Variants in TSPEAR observed in about 807,000 individuals in gnomAD.
The protein encoded by TSPEAR is thrombospondin type laminin G domain and EAR repeats, also known as thrombospondin-type laminin G domain and EAR repeat-containing protein.
Under a neutral mutation model 71.6 loss-of-function variants are expected in TSPEAR, and 69 were observed. The observed-to-expected ratio is 0.96, with a 90% confidence interval of 0.79 to 1.18. The LOEUF (loss-of-function observed/expected upper bound fraction) is 1.18. Among genes scored for constraint, TSPEAR ranks in the 50% most tolerant of loss-of-function variants. TSPEAR has a pLI of 0.00. For missense variants in TSPEAR, 971 were observed against 894.9 expected, an observed-to-expected ratio of 1.09 and a Z score of -1.09; for synonymous variants, 402 against 387.2, an observed-to-expected ratio of 1.04 and a Z score of -0.45.
chr21:44,551,129 A>G (rs2053420994), intron 2 of TSPEAR: 1 of 1,550,698 alleles, frequency 6.4e-7, no homozygotes, highest in Non-Finnish European at 8.8e-7. Context: ...AGACGGGCAC[A>G]CAGCACACAG....
At chr21:44,667,102 C>G (rs1446026850) in intron 1 of TSPEAR, among the ~76,000 whole-genome samples, 1 of 152,192 alleles carries the variant, frequency 6.6e-6, no homozygotes, top group Non-Finnish European at 1.5e-5. Context: ...ACTAATTGCA[C>G]CTTCTTCGAA....
At position 44,694,089 on chromosome 21, in the gene TSPEAR, G is replaced by A. The variant is rs545066785; in HGVS notation, c.82+17344C>T. Among the ~76,000 whole-genome samples the A allele has an allele frequency of 1.8e-4, 28 of 152,260 alleles. No homozygotes were observed. The South Asian group carries it at 4.6e-3, about 25-fold the overall frequency. On this transcript the variant is annotated intron_variant, in intron 1 of 11. Transcript: ENST00000323084. ...TCCGGAAATAAAGCTATTCATTCAT[G>A]GTCAACCGATTTTCAACAAGAATGC... is the stretch of plus-strand genomic sequence containing the variant.
chr21:44,634,288 C>T (rs782047764), intron 1 of TSPEAR, among the ~76,000 whole-genome samples: 2 of 152,182 alleles, frequency 1.3e-5, no homozygotes, highest in African/African-American at 4.8e-5. Flanking sequence ...GATATCTACA[C>T]ACAAAATCAT....
chr21:44,517,275 C>T (rs17004658), intron 9 of TSPEAR: 2,873 of 156,360 alleles, frequency 0.018, 64 homozygotes, highest in East Asian at 0.073. Context: ...TCTTCTCATT[C>T]TGGTTGAGTA....
At chr21:44,587,171 G>A (rs1979395373) in intron 1 of TSPEAR, among the ~76,000 whole-genome samples, 1 of 152,164 alleles carries the variant, frequency 6.6e-6, no homozygotes, top group Non-Finnish European at 1.5e-5. Context: ...TCCTAGAACT[G>A]ATAAAAGAAT....
Position 44,642,891 on chromosome 21 carries a change from A to G in TSPEAR, c.82+68542T>C, listed in dbSNP as rs935490673. 6.6e-6 allele frequency among the ~76,000 whole-genome samples: 1 copy of G among 152,210 alleles called. No individual in the cohort carries two copies. The highest frequency in any genetic ancestry group is 2.4e-5 in the African/African-American group (1 of 41,460). ...AAATTAAAAATGGAACTACCATGTG[A>G]TGAGCAATCCCACTTCTGTGTATTT... is the stretch of plus-strand genomic sequence containing the variant. On this transcript the variant is annotated intron_variant, in intron 1 of 11. Coordinates refer to ENST00000323084, the MANE Select transcript of TSPEAR (RefSeq NM_144991.3). This position sits in a 1 kb window ranked among gnomAD's most constrained non-coding sequence, Gnocchi z 4.1.
intron 1 of TSPEAR, chr21:44,627,701 C>T (rs1555934782): frequency 6.2e-7 from 1 of 1,603,438 alleles, no homozygotes. Context: ...ACTTCCTCCC[C>T]CTGCCAGCAG....
intron 4 of TSPEAR, among the ~76,000 whole-genome samples, chr21:44,530,352 T>A (rs1404817352): frequency 6.6e-6 from 1 of 151,442 alleles, no homozygotes; most frequent in Non-Finnish European, 1.5e-5. Context: ...ATCCATGCAT[T>A]CATCCATCCA....
chr21:44,591,357 G>C, intron 1 of TSPEAR: 1 of 1,573,322 alleles, frequency 6.4e-7, no homozygotes, highest in South Asian at 1.2e-5. Context: ...GCCCCTGGTG[G>C]GAAGGGACTC....
At chr21:44,517,584 ACAGGT>A (rs1390658336) in intron 9 of TSPEAR, 1 of 358,478 alleles carries the variant, frequency 2.8e-6, no homozygotes, top group Non-Finnish European at 5.5e-6. Flanking sequence ...GGCTGTGAGC[ACAGGT>A]CAGGTCAGCC....
intron 1 of TSPEAR, among the ~76,000 whole-genome samples, chr21:44,660,324 A>G (rs1985419997): frequency 6.6e-6 from 1 of 152,250 alleles, no homozygotes; most frequent in Non-Finnish European, 1.5e-5. Context: ...ATGACTAGAC[A>G]TGTCACATTA....
chr21:44,509,264 G>A lies in TSPEAR; in HGVS notation c.1689C>T (p.Ser563=), dbSNP rs782071879. The A allele has an allele frequency of 1.3e-5, 21 of 1,613,928 alleles. No homozygotes were observed. In the East Asian group the frequency reaches 2.2e-4, roughly 17 times the overall value. The change falls in exon 10 of 12, where the codon TCC becomes TCT. Residue 563 remains serine (S), a synonymous_variant. Transcript: ENST00000323084. ...CGGTCACGTTCAGCTCGTAGATGAC[G>A]GAGTTGATGACATAGGAATCATTCT... ...QVQNDSYVIN[S]VIYELNVTAQ...
chr21:44,520,273 G>A lies in TSPEAR; in HGVS notation c.1566+1610C>T, dbSNP rs929446101. The A allele has an allele frequency of 6.6e-6, 1 of 152,104 alleles. No individual in the cohort carries two copies. Among genetic ancestry groups the A allele is most frequent in the Non-Finnish European group, 1.5e-5 (1 of 68,052 alleles). 9.4% of individuals were successfully genotyped at this position (152,104 alleles called of 1,614,324 possible). On this transcript the variant is annotated intron_variant, in intron 9 of 11. Coordinates refer to ENST00000323084, the MANE Select transcript of TSPEAR (RefSeq NM_144991.3). This position sits in a 1 kb window ranked among gnomAD's most constrained non-coding sequence, Gnocchi z 4.2. The stretch of plus-strand genomic sequence containing the variant: ...TCACTTGCAGCCTGTGGCTCTGGGT[G>A]GTGACCCTGCTGCCTACTCCCAGCC...
chr21:44,580,608 CTGG>C (rs1555924995), intron 1 of TSPEAR: 2 of 1,589,028 alleles, frequency 1.3e-6, no homozygotes, highest in African/African-American at 2.7e-5. Context: ...GAGCTGGGAG[CTGG>C]GGGAGGTGTG....
Position 44,612,671 on chromosome 21 carries a change from T to G in TSPEAR, c.83-44666A>C, listed in dbSNP as rs1365797422. On this transcript the variant is annotated intron_variant, in intron 1 of 11. Coordinates refer to ENST00000323084, the MANE Select transcript of TSPEAR (RefSeq NM_144991.3). The surrounding 1 kb of genome is among the most constrained non-coding windows in gnomAD (Gnocchi z 4.1). ...GGCTTCCTCTCTGTGCTGCCAGAAG[T>G]CTAGCTGCCAGCCGGCTTGCTGCAC... 1 of 1,613,900 alleles carries G rather than the reference T, an allele frequency of 6.2e-7. No individual in the cohort carries two copies. Among genetic ancestry groups the G allele is most frequent in the African/African-American group, 1.3e-5 (1 of 74,856 alleles).
rs183152699 is a variant in TSPEAR at position 44,710,556 on chromosome 21, A to G, written c.82+877T>C. Among the ~76,000 whole-genome samples, 8 of 152,094 alleles carry G rather than the reference A, an allele frequency of 5.3e-5. No individual in the cohort carries two copies. Among genetic ancestry groups the G allele is most frequent in the Non-Finnish European group, 7.4e-5 (5 of 68,006 alleles). On this transcript the variant is annotated intron_variant, in intron 1 of 11. Transcript: ENST00000323084. The surrounding 1 kb of genome is among the most constrained non-coding windows in gnomAD (Gnocchi z 4.6). ...CCGGTGCCGGGGGTGGACTTCATCTATTCCAGGGAACCAAGGATGCATGAT... is the reference window on the plus strand; with the variant it reads ...CCGGTGCCGGGGGTGGACTTCATCTGTTCCAGGGAACCAAGGATGCATGAT...
chr21:44,547,588 A>G (rs1399788105), intron 2 of TSPEAR, among the ~76,000 whole-genome samples: 1 of 152,194 alleles, frequency 6.6e-6, no homozygotes, highest in Non-Finnish European at 1.5e-5. Context: ...GTTAAAAAAT[A>G]GTTTCTTCAT....
At chr21:44,559,640 T>C (rs587670086) in intron 2 of TSPEAR, among the ~76,000 whole-genome samples, 5 of 152,186 alleles carry the variant, frequency 3.3e-5, no homozygotes, top group African/African-American at 1.2e-4. Context: ...TCATAGTAAA[T>C]GTACAAATAA....
chr21:44,700,909 C>G (rs987865596), intron 1 of TSPEAR, among the ~76,000 whole-genome samples: 9 of 152,194 alleles, frequency 5.9e-5, no homozygotes, highest in Non-Finnish European at 1.3e-4. Flanking sequence ...AAACCGCAGC[C>G]CATAGGGTGA....
Sources: allele counts gnomAD v4.1 joint callset (sites outside exome capture counted in the v4.1 genomes callset), GRCh38; gene constraint gnomAD v4.1.1; non-coding constraint Gnocchi (gnomAD v3.1); transcripts MANE v1.5; gene names NCBI Gene and HGNC (gene_info 2026-07-23, HGNC 2026-07-21).